Variants in GATAD2A observed in about 807,000 individuals in gnomAD.
GATAD2A encodes GATA zinc finger domain containing 2A, also known as transcriptional repressor p66-alpha.
Under a neutral mutation model 68.5 loss-of-function variants are expected in GATAD2A, and 12 were observed. The observed-to-expected ratio is 0.18, with a 90% CI of 0.11 to 0.28. The LOEUF (loss-of-function observed/expected upper bound fraction) is 0.28, where lower values mean the gene tolerates loss of function less well. Among genes scored for constraint, GATAD2A ranks in the 10% least tolerant of loss-of-function variants. The probability of loss-of-function intolerance (pLI) is 1.00; values close to 1 mark genes in which losing one functional copy is unlikely to be tolerated. For missense variants in GATAD2A, 755 were observed against 868.5 expected (o/e 0.87, Z 1.64); for synonymous variants, 410 against 375.3 (o/e 1.09, Z -1.07).
chr19:19,444,389 G>A (rs532844521), intron 1 of GATAD2A, among the ~76,000 whole-genome samples: 1 of 152,266 alleles, frequency 6.6e-6, no homozygotes, highest in South Asian at 2.1e-4. Flanking sequence ...TCCGGTATGT[G>A]CTGTGCCTGC....
intron 1 of GATAD2A, among the ~76,000 whole-genome samples, chr19:19,444,847 G>A (rs1304176524): frequency 7.3e-6 from 1 of 136,630 alleles, no homozygotes; most frequent in African/African-American, 2.8e-5. Flanking sequence ...CTCCAGCCTG[G>A]ACAACAGAGT....
chr19:19,440,930 C>A (rs2054959525), intron 1 of GATAD2A, among the ~76,000 whole-genome samples: 1 of 117,594 alleles, frequency 8.5e-6, no homozygotes, highest in Non-Finnish European at 1.9e-5. Flanking sequence ...CCTTTCCTTC[C>A]TTTTCTTCCT....
chr19:19,440,577 A>ACAG, intron 1 of GATAD2A: 1 of 161,210 alleles, frequency 6.2e-6, no homozygotes, highest in Non-Finnish European at 1.4e-5. Flanking sequence ...ATTTTTATAC[A>ACAG]CCATAAAGGA....
intron 1 of GATAD2A, among the ~76,000 whole-genome samples, chr19:19,400,256 A>G (rs1434959310): frequency 1.3e-5 from 2 of 150,576 alleles, no homozygotes; most frequent in South Asian, 2.1e-4. Flanking sequence ...ATAGCAGGAC[A>G]GTGCCAGGGC....
intron 1 of GATAD2A, among the ~76,000 whole-genome samples, chr19:19,426,875 G>A (rs1055981737): frequency 6.6e-6 from 1 of 152,230 alleles, no homozygotes; most frequent in Admixed American, 6.5e-5. Context: ...TGGTAGTGAA[G>A]CATGTCAGTG....
At chr19:19,395,716 G>A (rs1284525991) in intron 1 of GATAD2A, among the ~76,000 whole-genome samples, 3 of 152,184 alleles carry the variant, frequency 2.0e-5, no homozygotes, top group Non-Finnish European at 2.9e-5. Context: ...ACAGTAGATA[G>A]GTCCTTCAGG....
At chr19:19,440,879 A>C (rs1311748012) in intron 1 of GATAD2A, among the ~76,000 whole-genome samples, 1 of 152,164 alleles carries the variant, frequency 6.6e-6, no homozygotes, top group Non-Finnish European at 1.5e-5. Context: ...AAAGGTAAAC[A>C]AATTTATTTC....
chr19:19,499,054 A>G (rs2060342384), intron 8 of GATAD2A, among the ~76,000 whole-genome samples: 1 of 152,324 alleles, frequency 6.6e-6, no homozygotes, highest in African/African-American at 2.4e-5. Flanking sequence ...CTCTCAGGCC[A>G]ATGTGGAGTT....
At chr19:19,399,642 G>A (rs556444760) in intron 1 of GATAD2A, among the ~76,000 whole-genome samples, 2 of 152,118 alleles carry the variant, frequency 1.3e-5, no homozygotes, top group African/African-American at 2.4e-5. Flanking sequence ...ACCTGATTAC[G>A]TGGGCATGTG....
At chr19:19,457,964 C>T (rs546936619) in intron 1 of GATAD2A, among the ~76,000 whole-genome samples, 1 of 152,234 alleles carries the variant, frequency 6.6e-6, no homozygotes, top group East Asian at 1.9e-4. Context: ...TTGCACCTCC[C>T]CACTGCTGGT....
chr19:19,421,268 C>T (rs2052386126), intron 1 of GATAD2A, among the ~76,000 whole-genome samples: 1 of 152,108 alleles, frequency 6.6e-6, no homozygotes, highest in African/African-American at 2.4e-5. Flanking sequence ...GAGGTGAGGG[C>T]AGTAGGCCTC....
intron 1 of GATAD2A, among the ~76,000 whole-genome samples, chr19:19,397,648 G>T (rs1568693252): frequency 6.6e-6 from 1 of 152,220 alleles, no homozygotes; most frequent in African/African-American, 2.4e-5. Flanking sequence ...AGCTTCAAGA[G>T]AACAGACTTC....
chr19:19,497,280 A>G (rs2060216419), intron 7 of GATAD2A, among the ~76,000 whole-genome samples: 2 of 152,138 alleles, frequency 1.3e-5, no homozygotes, highest in Admixed American at 1.3e-4. Context: ...ATTTTTAGTC[A>G]AGACAGTGTT....
In GATAD2A at chr19:19,492,599, C is replaced by G; in HGVS notation, c.421C>G (p.Arg141Gly). ...EALMKSSPEE[R>G]ERMIKQLKEE... ...CCTGCAGAAAAGCAGTCCTGAAGAA[C>G]GAGAAAGGATGATCAAGCAGCTGAA... The change falls in exon 4 of 12, where the codon CGA becomes GGA. Residue 141 changes from arginine to glycine, a missense_variant. Physicochemically the swap from Arg to Gly is moderately radical, Grantham distance 125. Transcript: ENST00000683918. 1 of 1,614,082 alleles carries G rather than the reference C, an allele frequency of 6.2e-7. No individual in the cohort carries two copies. Among genetic ancestry groups the G allele is most frequent in the Non-Finnish European group, 8.5e-7 (1 of 1,179,996 alleles).
intron 11 of GATAD2A, 88 bp downstream of exon 11, chr19:19,502,614 G>T (rs141965814): frequency 9.3e-7 from 1 of 1,073,166 alleles, no homozygotes; most frequent in African/African-American, 1.6e-5. Context: ...ATGTGCAGCG[G>T]GTGAACCCCC....
intron 1 of GATAD2A, among the ~76,000 whole-genome samples, chr19:19,435,816 C>G (rs1297341686): frequency 1.3e-5 from 2 of 152,204 alleles, no homozygotes; most frequent in Non-Finnish European, 2.9e-5. Context: ...TGCCACTTCA[C>G]TCCAGTCTGG....
chr19:19,435,756 A>G (rs1244645758), intron 1 of GATAD2A, among the ~76,000 whole-genome samples: 2 of 152,182 alleles, frequency 1.3e-5, no homozygotes, highest in Admixed American at 6.5e-5. Context: ...AGGCTGAGGC[A>G]GGAGAATCGT....
intron 2 of GATAD2A, among the ~76,000 whole-genome samples, chr19:19,476,425 T>C (rs1022404992): frequency 1.8e-4 from 27 of 152,242 alleles, no homozygotes; most frequent in African/African-American, 4.8e-4. Context: ...TCCCAGCTCC[T>C]GTAGCGGGTT....
At chr19:19,485,523 C>T (rs571548320) in intron 2 of GATAD2A, among the ~76,000 whole-genome samples, 7 of 152,324 alleles carry the variant, frequency 4.6e-5, no homozygotes, top group African/African-American at 1.2e-4. Flanking sequence ...GTGTGGGCCT[C>T]TGATCCCGTG....
Sources: allele counts gnomAD v4.1 joint callset (sites outside exome capture counted in the v4.1 genomes callset), GRCh38; gene constraint gnomAD v4.1.1; transcripts MANE v1.5; gene names NCBI Gene and HGNC (gene_info 2026-07-23, HGNC 2026-07-21).